MAP2: variants seen among roughly 807,000 people sequenced by gnomAD.
The protein encoded by MAP2 is microtubule associated protein 2, also known as microtubule-associated protein 2.
MAP2 carries 14 observed loss-of-function variants against 137.6 expected under a neutral mutation model. The observed-to-expected ratio is 0.10, with a 90% confidence interval of 0.07 to 0.16. The LOEUF is 0.16. Among genes scored for constraint, MAP2 ranks in the 10% least tolerant of loss-of-function variants. The pLI is 1.00. For synonymous variants in MAP2, 786 were observed against 782.3 expected (o/e 1.00, Z -0.08); for missense variants, 2,088 against 2,191.5 (o/e 0.95, Z 0.94).
intron 2 of MAP2, among the ~76,000 whole-genome samples, chr2:209,565,032 AC>A (rs2073087078): frequency 6.6e-6 from 1 of 152,074 alleles, no homozygotes; most frequent in Non-Finnish European, 1.5e-5. Context: ...CATCATAAAT[AC>A]CGAGCTCAAG....
chr2:209,509,843 A>G (rs976557443), intron 2 of MAP2, among the ~76,000 whole-genome samples: 2 of 151,940 alleles, frequency 1.3e-5, no homozygotes, highest in African/African-American at 2.4e-5. Context: ...TATTTTATCA[A>G]TTCTGTGATG....
intron 1 of MAP2, among the ~76,000 whole-genome samples, chr2:209,441,401 G>A (rs1396208835): frequency 1.3e-5 from 2 of 151,470 alleles, no homozygotes; most frequent in Non-Finnish European, 3.0e-5. Flanking sequence ...ATATACAGAT[G>A]ATCTACCAAT....
intron 13 of MAP2, chr2:209,723,687 T>C: frequency 1.2e-6 from 2 of 1,612,410 alleles, no homozygotes; most frequent in Non-Finnish European, 1.7e-6. Context: ...GGGGCGGAAA[T>C]GTAAGTAGAA....
chr2:209,562,899 A>T (rs1465114586), intron 2 of MAP2, among the ~76,000 whole-genome samples: 2 of 152,224 alleles, frequency 1.3e-5, no homozygotes, highest in African/African-American at 4.8e-5. Flanking sequence ...TGAAAAATTG[A>T]ATCATTAATG....
intron 2 of MAP2, among the ~76,000 whole-genome samples, chr2:209,518,206 A>G (rs1254128264): frequency 2.0e-5 from 3 of 152,082 alleles, no homozygotes; most frequent in Non-Finnish European, 4.4e-5. Flanking sequence ...AAATGTATTA[A>G]CAGTGGTTAC....
intron 2 of MAP2, among the ~76,000 whole-genome samples, chr2:209,571,091 A>T (rs1168032528): frequency 2.0e-5 from 3 of 152,006 alleles, no homozygotes; most frequent in Non-Finnish European, 2.9e-5. Flanking sequence ...TTTATTTAAT[A>T]TACACATAAT....
intron 3 of MAP2, among the ~76,000 whole-genome samples, chr2:209,590,708 A>G (rs1418485139): frequency 1.3e-5 from 2 of 152,214 alleles, no homozygotes; most frequent in African/African-American, 4.8e-5. Flanking sequence ...CTTGATAGCC[A>G]CATTCTTTTT....
chr2:209,611,181 A>C (rs2086729974), intron 3 of MAP2, among the ~76,000 whole-genome samples: 1 of 152,154 alleles, frequency 6.6e-6, no homozygotes, highest in African/African-American at 2.4e-5. Context: ...TGAAAGCAGT[A>C]TTCTCTTTTT....
rs981710913 is a variant in MAP2 at position 209,731,403 on chromosome 2, GT to G, written c.*1010del. On this transcript the variant is annotated 3_prime_UTR_variant, in exon 16 of 16. Coordinates refer to ENST00000682079, the MANE Select transcript of MAP2 (RefSeq NM_001375505.1). ...TGTAACAACTCAAAGCCGTAACCCTGTTTTAGTGCCAGATACAAGTCTCTCC... is the reference window on the plus strand; with the variant it reads ...TGTAACAACTCAAAGCCGTAACCCTGTTTAGTGCCAGATACAAGTCTCTCC... 9 of 152,448 alleles carry G rather than the reference GT, an allele frequency of 5.9e-5. No individual in the cohort carries two copies. Among genetic ancestry groups the G allele is most frequent in the African/African-American group, 2.2e-4 (9 of 41,394 alleles). 9.4% of individuals were successfully genotyped at this position (152,448 alleles called of 1,614,324 possible).
At chr2:209,480,662 A>G (rs954078539) in intron 1 of MAP2, among the ~76,000 whole-genome samples, 3 of 152,158 alleles carry the variant, frequency 2.0e-5, no homozygotes, top group African/African-American at 7.2e-5. Context: ...TGAGGTTAAT[A>G]ATAAGATTTG....
At chr2:209,676,474 A>G (rs932273539) in intron 5 of MAP2, among the ~76,000 whole-genome samples, 1 of 151,584 alleles carries the variant, frequency 6.6e-6, no homozygotes, top group African/African-American at 2.4e-5. Context: ...TAATCTGTAC[A>G]ACAAGCCCCC....
intron 6 of MAP2, among the ~76,000 whole-genome samples, chr2:209,679,358 GATA>G: frequency 6.6e-6 from 1 of 150,416 alleles, no homozygotes. Flanking sequence ...TAGATAGATA[GATA>G]GATAGGCAGA....
intron 2 of MAP2, among the ~76,000 whole-genome samples, chr2:209,574,731 A>C (rs1434273446): frequency 6.6e-6 from 1 of 152,120 alleles, no homozygotes. Context: ...GTCTTTTTTG[A>C]CCAAAATATA....
chr2:209,616,932 T>C (rs932444640), intron 3 of MAP2, among the ~76,000 whole-genome samples: 3 of 152,156 alleles, frequency 2.0e-5, no homozygotes, highest in Admixed American at 6.5e-5. Context: ...AATTATAGAC[T>C]AGGCGGGGGG....
intron 7 of MAP2, among the ~76,000 whole-genome samples, chr2:209,686,497 C>T (rs550168886): frequency 6.6e-6 from 1 of 152,106 alleles, no homozygotes; most frequent in African/African-American, 2.4e-5. Flanking sequence ...CAGATAGATA[C>T]TATAGATTTT....
intron 2 of MAP2, among the ~76,000 whole-genome samples, chr2:209,576,633 T>C (rs538659322): frequency 6.6e-6 from 1 of 151,968 alleles, no homozygotes; most frequent in Non-Finnish European, 1.5e-5. Flanking sequence ...CTGTAAAGAG[T>C]CTGAAAAATA....
intron 3 of MAP2, among the ~76,000 whole-genome samples, chr2:209,600,497 G>A (rs897974831): frequency 2.6e-5 from 4 of 152,104 alleles, no homozygotes; most frequent in Non-Finnish European, 4.4e-5. Context: ...GCCTGTTTCC[G>A]GGGCTGTCTA....
intron 1 of MAP2, among the ~76,000 whole-genome samples, chr2:209,434,799 A>G (rs932505915): frequency 7.0e-6 from 1 of 143,394 alleles, no homozygotes; most frequent in Non-Finnish European, 1.5e-5. Context: ...TCCAGCCTGC[A>G]TGACAGAGCC....
At chr2:209,432,206 A>G (rs1252637553) in intron 1 of MAP2, among the ~76,000 whole-genome samples, 1 of 152,144 alleles carries the variant, frequency 6.6e-6, no homozygotes, top group African/African-American at 2.4e-5. Context: ...CCCAGATTTA[A>G]CATTTTTAGC....
Sources: gnomAD v4.1 joint callset for allele counts (sites outside exome capture counted in the v4.1 genomes callset) on GRCh38, gnomAD v4.1.1 for gene constraint, MANE v1.5 for transcripts, NCBI Gene and HGNC (gene_info 2026-07-23, HGNC 2026-07-21) for gene names.